SLC30A3: variants seen among roughly 807,000 people sequenced by gnomAD.
SLC30A3 encodes the protein probable proton-coupled zinc antiporter SLC30A3.
Under a neutral mutation model 35.6 loss-of-function variants are expected in SLC30A3, and 20 were observed. The observed-to-expected ratio is 0.56, with a 90% CI of 0.39 to 0.82. The LOEUF (loss-of-function observed/expected upper bound fraction) is 0.82, where lower values mean the gene tolerates loss of function less well. Ranked by LOEUF, SLC30A3 falls within the 40% of genes least tolerant of loss-of-function variation. SLC30A3 has a pLI of 0.00. For missense variants in SLC30A3, 401 were observed against 530.6 expected, an observed-to-expected ratio of 0.76 and a Z score of 2.40; for synonymous variants, 217 against 224.7, an observed-to-expected ratio of 0.97 and a Z score of 0.31.
chr2:27,272,920 T>G (rs1677786607), intron 1 of SLC30A3, among the ~76,000 whole-genome samples: 1 of 151,248 alleles, frequency 6.6e-6, no homozygotes, highest in African/African-American at 2.4e-5. Context: ...GGCATGCTGG[T>G]GCATGCCTTT....
chr2:27,260,356 A>G (rs1677119915), intron 1 of SLC30A3, among the ~76,000 whole-genome samples: 1 of 152,146 alleles, frequency 6.6e-6, no homozygotes, highest in African/African-American at 2.4e-5. Flanking sequence ...TCCGACTATA[A>G]GCACCCAGCA....
Position 27,262,725 on chromosome 2 carries a change from G to A in SLC30A3, c.95+87C>T, listed in dbSNP as rs1037376296. The A allele has an allele frequency of 8.4e-6, 11 of 1,317,142 alleles. No individual in the cohort carries two copies. The highest frequency in any genetic ancestry group is 1.1e-5 in the Non-Finnish European group (11 of 1,004,000). The allele number at this position is 1,317,142 out of a possible 1,614,324, so 81.6% of individuals were successfully genotyped here. A position where few individuals can be genotyped will look rare whatever the true frequency, so the allele number is the denominator to read the frequency against. Reference sequence around the variant, plus strand: ...CCCGCGGTGCGCTGGGGCGGCCGCCGGGGCCCGCGCCGAGAGAGACAACGA... The same window carrying A: ...CCCGCGGTGCGCTGGGGCGGCCGCCAGGGCCCGCGCCGAGAGAGACAACGA... On this transcript the variant is annotated intron_variant, in intron 1 of 7. Coordinates refer to ENST00000233535, the MANE Select transcript of SLC30A3 (RefSeq NM_003459.5). The surrounding 1 kb of genome is among the most constrained non-coding windows in gnomAD (Gnocchi z 7.5).
At chr2:27,268,723 A>G (rs76190024) in intron 1 of SLC30A3, among the ~76,000 whole-genome samples, 8 of 141,960 alleles carry the variant, frequency 5.6e-5, no homozygotes, top group African/African-American at 2.1e-4. Context: ...ACTCTGTCTC[A>G]AAAAAAAAAA....
In SLC30A3 at chr2:27,255,172, G is replaced by A. The variant is rs1416296906; in HGVS notation, c.*140C>T. On this transcript the variant is annotated 3_prime_UTR_variant, in exon 8 of 8. Transcript: ENST00000233535. The surrounding 1 kb of genome is among the most constrained non-coding windows in gnomAD (Gnocchi z 5.2). Reference sequence around the variant, plus strand: ...TGGGGCTGGGGCTGGGGCTGAGGCTGGGGAAACTGGCAGGTGGTAGGAGGG... The same window carrying A: ...TGGGGCTGGGGCTGGGGCTGAGGCTAGGGAAACTGGCAGGTGGTAGGAGGG... The A allele has an allele frequency of 1.9e-6, 3 of 1,589,882 alleles. No individual in the cohort carries two copies. Among genetic ancestry groups the A allele is most frequent in the South Asian group, 1.1e-5 (1 of 89,518 alleles).
intron 6 of SLC30A3, 91 bp downstream of exon 6, chr2:27,256,697 C>A: frequency 7.8e-7 from 1 of 1,281,576 alleles, no homozygotes; most frequent in Non-Finnish European, 1.1e-6. Context: ...GCCTTCTTCC[C>A]GTACTATCTT....
chr2:27,256,244 G>T (rs948135095), intron 7 of SLC30A3, 142 bp downstream of exon 7: 2 of 917,326 alleles, frequency 2.2e-6, no homozygotes, highest in African/African-American at 1.6e-5. Flanking sequence ...GTGTGTGTAT[G>T]TGTCTATGTG....
At chr2:27,260,991 T>C (rs948951078) in intron 1 of SLC30A3, among the ~76,000 whole-genome samples, 6 of 152,118 alleles carry the variant, frequency 3.9e-5, no homozygotes, top group Admixed American at 2.6e-4. Flanking sequence ...AAGGACAGGT[T>C]GATGCTAGGA....
rs200706586 is a variant in SLC30A3 at position 27,255,320 on chromosome 2, G to T, written c.1159C>A (p.Gln387Lys). The stretch of plus-strand genomic sequence containing the variant: ...GAGGGCAGGGCCATGGCTCAGGCTT[G>T]GGGGGGTTCCTGGCAGCGCAGGCAC... The part of the protein sequence containing the change: ...AQCLRCQEPP[Q>K]A The change falls in exon 8 of 8, where the codon CAA becomes AAA. Residue 387 changes from glutamine to lysine, a missense_variant. By Grantham distance (53) the Gln-to-Lys change is moderately conservative (BLOSUM62 1). Coordinates refer to ENST00000233535, the MANE Select transcript of SLC30A3 (RefSeq NM_003459.5). This position sits in a 1 kb window ranked among gnomAD's most constrained non-coding sequence, Gnocchi z 5.2. 133 of 1,613,752 alleles carry T rather than the reference G, an allele frequency of 8.2e-5. 1 individual carries two copies. The South Asian group carries it at 1.3e-3, about 15-fold the overall frequency.
rs989489893 is a variant in SLC30A3 at position 27,262,781 on chromosome 2, C to G, written c.95+31G>C. 2 of 1,505,028 alleles carry G rather than the reference C, an allele frequency of 1.3e-6. No homozygotes were observed. The highest frequency in any genetic ancestry group is 1.5e-5 in the African/African-American group (1 of 68,288). The allele number at this position is 1,505,028 out of a possible 1,614,324, so 93.2% of individuals were successfully genotyped here. ...ACGGAGGGTAGTAGGGTGGCGCCCC[C>G]GGGCCGAGGGCCAGCCCAGGTCTGT... On this transcript the variant is annotated intron_variant, in intron 1 of 7. Coordinates refer to ENST00000233535, the MANE Select transcript of SLC30A3 (RefSeq NM_003459.5). This position sits in a 1 kb window ranked among gnomAD's most constrained non-coding sequence, Gnocchi z 7.5.
rs1389347708 is a variant in SLC30A3, at chr2:27,255,439, G to A, written c.1040C>T (p.Ala347Val). ...LAIDSTADPE[A>V]VLAEASSRLY... ...CCGGGATGAGGCTTCAGCCAGGACG[G>A]CTTCAGGGTCAGCGGTGGAGTCTGT... Residue 347 changes from alanine to valine, a missense_variant, in exon 8 of 8, where the codon GCC (alanine) becomes GTC (valine). This residue lies in a region of SLC30A3 where 296 missense variants were observed against 392.6 expected (regional missense o/e 0.75). Coordinates refer to ENST00000233535, the MANE Select transcript of SLC30A3 (RefSeq NM_003459.5). The surrounding 1 kb of genome is among the most constrained non-coding windows in gnomAD (Gnocchi z 5.2). 1.4e-5 allele frequency: 23 copies of A among 1,613,836 alleles called. No homozygotes were observed. The highest frequency in any genetic ancestry group is 1.9e-5 in the Non-Finnish European group (23 of 1,179,974).
chr2:27,267,106 A>G (rs894496266), upstream of SLC30A3, among the ~76,000 whole-genome samples: 4 of 152,020 alleles, frequency 2.6e-5, no homozygotes, highest in African/African-American at 9.7e-5. Flanking sequence ...ATGTCAGAAT[A>G]TGGTAACTCC....
In SLC30A3 at chr2:27,254,536, TC is replaced by T. The variant is rs1417194694; in HGVS notation, c.*775del. ...TTGTTCTCAAGTGACCTATTTGACT[TC>T]CCCCTCCTGAGGAGTCAGCACACAG... On this transcript the variant is annotated 3_prime_UTR_variant, in exon 8 of 8. Transcript: ENST00000233535. The T allele has an allele frequency of 6.5e-6, 1 of 153,032 alleles. No homozygotes were observed. The highest frequency in any genetic ancestry group is 6.5e-5 in the Admixed American group (1 of 15,326). The allele number at this position is 153,032 out of a possible 1,614,324, so 9.5% of individuals were successfully genotyped here.
chr2:27,275,311 T>A (rs1217285331), exon 1 of SLC30A3: 3 of 919,566 alleles, frequency 3.3e-6, no homozygotes, highest in African/African-American at 3.4e-5. Flanking sequence ...GCAACGCTCC[T>A]ACGCTGCCTT....
chr2:27,262,671 G>A lies in SLC30A3; in HGVS notation c.95+141C>T. Reference sequence around the variant, plus strand: ...CTGGGCGCTCCGTGTGGCCAGAGGGGATGAAGCGGGGTGCAGCGGAGCGAG... The same window carrying A: ...CTGGGCGCTCCGTGTGGCCAGAGGGAATGAAGCGGGGTGCAGCGGAGCGAG... On this transcript the variant is annotated intron_variant, in intron 1 of 7. Transcript: ENST00000233535. The surrounding 1 kb of genome is among the most constrained non-coding windows in gnomAD (Gnocchi z 7.5). The A allele has an allele frequency of 1.3e-6, 1 of 798,422 alleles. No homozygotes were observed. The highest frequency in any genetic ancestry group is 2.2e-5 in the South Asian group (1 of 45,722). 49.5% of individuals were successfully genotyped at this position (798,422 alleles called of 1,614,324 possible).
At chr2:27,267,051 C>T (rs1264511521), upstream of SLC30A3, among the ~76,000 whole-genome samples, 2 of 152,154 alleles carry the variant, frequency 1.3e-5, no homozygotes, top group African/African-American at 4.8e-5. Flanking sequence ...AACTGAGCCC[C>T]TGATTGTCAC....
upstream of SLC30A3, chr2:27,263,357 G>A: frequency 4.3e-6 from 2 of 463,734 alleles, no homozygotes; most frequent in Non-Finnish European, 8.8e-6. Flanking sequence ...TTCGCCCAAC[G>A]ACCACCACTC....
intron 7 of SLC30A3, 61 bp downstream of exon 7, chr2:27,256,325 G>A: frequency 1.3e-6 from 2 of 1,588,534 alleles, no homozygotes; most frequent in Non-Finnish European, 1.7e-6. Flanking sequence ...TCAAGCTATG[G>A]TCCCATGTTT....
chr2:27,263,562 G>A (rs867298207), upstream of SLC30A3: 3 of 265,558 alleles, frequency 1.1e-5, no homozygotes, highest in South Asian at 1.1e-4. Flanking sequence ...CGGAATTCAC[G>A]AGCCCAGTCT....
Position 27,263,015 on chromosome 2 carries a change from G to A in SLC30A3, c.-109C>T, listed in dbSNP as rs1276898650. 1.4e-6 allele frequency: 2 copies of A among 1,404,278 alleles called. No individual in the cohort carries two copies. The highest frequency in any genetic ancestry group is 3.1e-5 in the East Asian group (1 of 32,466). The allele number at this position is 1,404,278 out of a possible 1,614,324, so 87.0% of individuals were successfully genotyped here. On this transcript the variant is annotated 5_prime_UTR_variant, in exon 1 of 8. Coordinates refer to ENST00000233535, the MANE Select transcript of SLC30A3 (RefSeq NM_003459.5). ...ACCCCCGGGATCCCCGCAGGGCGGC[G>A]GGGCCACCAGAGTGGAGCGAACTGC...
Sources: allele counts gnomAD v4.1 joint callset (sites outside exome capture counted in the v4.1 genomes callset), GRCh38; gene constraint gnomAD v4.1.1; regional missense constraint gnomAD v4.1.1; non-coding constraint Gnocchi (gnomAD v3.1); transcripts MANE v1.5; gene names NCBI Gene and HGNC (gene_info 2026-07-23, HGNC 2026-07-21).